Variants in CACNA1D observed in about 807,000 individuals in gnomAD.
The protein encoded by CACNA1D is calcium voltage-gated channel subunit alpha1 D.
A neutral mutation model predicts 257.1 loss-of-function variants in CACNA1D; 55 were observed. The observed-to-expected ratio is 0.21, with a 90% CI of 0.17 to 0.27. The LOEUF is 0.27. Ranked by LOEUF, CACNA1D falls within the 10% of genes least tolerant of loss-of-function variation. CACNA1D has a pLI of 1.00. For synonymous variants in CACNA1D, 980 were observed against 1,014.9 expected (o/e 0.97, Z 0.65); for missense variants, 1,876 against 2,784.0 (o/e 0.67, Z 7.34).
At chr3:53,550,091 C>A (rs996068600) in intron 3 of CACNA1D, among the ~76,000 whole-genome samples, 1 of 152,028 alleles carries the variant, frequency 6.6e-6, no homozygotes, top group South Asian at 2.1e-4. Context: ...TCATAGAAAG[C>A]GAATTGGCTC....
At chr3:53,757,191 C>T (rs2095270851) in intron 29 of CACNA1D, among the ~76,000 whole-genome samples, 1 of 151,470 alleles carries the variant, frequency 6.6e-6, no homozygotes, top group Non-Finnish European at 1.5e-5. Context: ...GTACCTTTTC[C>T]ACCTGCTGGA....
intron 15 of CACNA1D, among the ~76,000 whole-genome samples, chr3:53,727,243 C>T (rs1160475449): frequency 1.3e-5 from 2 of 152,170 alleles, no homozygotes; most frequent in Non-Finnish European, 2.9e-5. Context: ...AGGGAAGGAG[C>T]GTGAGACAGC....
chr3:53,585,116 G>GC (rs143619699), intron 3 of CACNA1D, among the ~76,000 whole-genome samples: 35,713 of 150,606 alleles, frequency 0.24, 4,278 homozygotes, highest in Middle Eastern at 0.3. Flanking sequence ...ATATTCACAC[G>GC]CTTTGTCTCA....
intron 30 of CACNA1D, among the ~76,000 whole-genome samples, chr3:53,762,400 G>A (rs1311236710): frequency 3.0e-4 from 45 of 152,236 alleles, no homozygotes; most frequent in Non-Finnish European, 1.5e-5. Context: ...ACCCACAGTG[G>A]CGTATCTATA....
intron 44 of CACNA1D, among the ~76,000 whole-genome samples, 180 bp from the exon 45 acceptor site, chr3:53,804,803 C>T (rs1211604521): frequency 4.6e-5 from 7 of 152,196 alleles, no homozygotes; most frequent in Non-Finnish European, 1.0e-4. Context: ...GCCTCCAGTC[C>T]TGTAATGGCC....
intron 3 of CACNA1D, among the ~76,000 whole-genome samples, chr3:53,635,613 T>C (rs1183976077): frequency 6.6e-6 from 1 of 152,168 alleles, no homozygotes; most frequent in Non-Finnish European, 1.5e-5. Context: ...GGTTTCAGCC[T>C]CTCCAGCTCC....
intron 17 of CACNA1D, among the ~76,000 whole-genome samples, chr3:53,731,601 C>T (rs1021420609): frequency 2.0e-5 from 3 of 152,152 alleles, no homozygotes; most frequent in African/African-American, 7.2e-5. Context: ...CTCTGTTCAT[C>T]GAGTTGATAA....
chr3:53,500,717 T>C (rs2090564739), intron 2 of CACNA1D, among the ~76,000 whole-genome samples: 1 of 152,164 alleles, frequency 6.6e-6, no homozygotes, highest in Non-Finnish European at 1.5e-5. Flanking sequence ...AGAAAAACAA[T>C]CATTTTGGCA....
intron 9 of CACNA1D, among the ~76,000 whole-genome samples, chr3:53,714,343 G>C (rs2094795888): frequency 6.6e-6 from 1 of 152,212 alleles, no homozygotes. Context: ...AAGGGGACAA[G>C]GCCATCACCT....
rs146337129 is a variant in CACNA1D, at chr3:53,622,436, C to T, written c.484-28343C>T. Among the ~76,000 whole-genome samples, 718 of 152,244 alleles carry T rather than the reference C, an allele frequency of 4.7e-3. 2 individuals are homozygous for T. The highest frequency in any genetic ancestry group is 7.0e-3 in the Non-Finnish European group (477 of 68,028). On this transcript the variant is annotated intron_variant, in intron 3 of 47. Coordinates refer to ENST00000350061, the MANE Select transcript of CACNA1D (RefSeq NM_001128840.3). ...TTTATTCATAATAAGAAAAATAATG[C>T]GGCCATTAAAAAGAACAAGATCATG...
intron 3 of CACNA1D, among the ~76,000 whole-genome samples, chr3:53,615,222 C>T (rs945373758): frequency 9.8e-5 from 15 of 152,332 alleles, no homozygotes; most frequent in African/African-American, 3.6e-4. Flanking sequence ...CCCAAACCTT[C>T]CTTCCTCAGG....
chr3:53,766,464 G>T (rs2095332892), intron 30 of CACNA1D, among the ~76,000 whole-genome samples: 2 of 152,246 alleles, frequency 1.3e-5, no homozygotes, highest in South Asian at 4.1e-4. Flanking sequence ...ATGCTGGTTT[G>T]CTTCCTATCT....
chr3:53,583,548 AG>A (rs145929974), intron 3 of CACNA1D, among the ~76,000 whole-genome samples: 559 of 152,290 alleles, frequency 3.7e-3, no homozygotes, highest in African/African-American at 0.013. Flanking sequence ...CCTTGACCTG[AG>A]GGGTCTGCAG....
At chr3:53,648,829 A>AACACACACAC (rs148968944) in intron 3 of CACNA1D, among the ~76,000 whole-genome samples, 277 of 146,850 alleles carry the variant, frequency 1.9e-3, no homozygotes, top group African/African-American at 6.4e-3. Flanking sequence ...TAACTCTCAA[A>AACACACACAC]ACACACACAC....
intron 3 of CACNA1D, among the ~76,000 whole-genome samples, chr3:53,530,167 G>A (rs1368897649): frequency 6.6e-6 from 1 of 152,188 alleles, no homozygotes; most frequent in East Asian, 1.9e-4. Flanking sequence ...GGAATTAGAA[G>A]AAAACGAAGC....
intron 3 of CACNA1D, among the ~76,000 whole-genome samples, chr3:53,527,233 G>A (rs1240435105): frequency 6.6e-6 from 1 of 151,824 alleles, no homozygotes; most frequent in Non-Finnish European, 1.5e-5. Flanking sequence ...GCAGGGCAAG[G>A]CCTATTGCCA....
At chr3:53,603,409 A>G (rs545661631) in intron 3 of CACNA1D, among the ~76,000 whole-genome samples, 29 of 152,182 alleles carry the variant, frequency 1.9e-4, no homozygotes, top group Non-Finnish European at 3.4e-4. Flanking sequence ...CGGATTTCTC[A>G]TCTGTAAAAT....
Position 53,543,469 on chromosome 3 carries a change from A to G in CACNA1D, c.483+41749A>G, listed in dbSNP as rs186454258. Among the ~76,000 whole-genome samples the G allele has an allele frequency of 4.6e-5, 7 of 152,278 alleles. No individual in the cohort carries two copies. In the South Asian group the frequency reaches 6.2e-4, roughly 14 times the overall value. On this transcript the variant is annotated intron_variant, in intron 3 of 47. Transcript: ENST00000350061. Reference sequence around the variant, plus strand: ...CTCTTTGGTAGGTGTGTGGGAATCTATTGGTATTTATTGGGTTCTTAATGC... The same window carrying G: ...CTCTTTGGTAGGTGTGTGGGAATCTGTTGGTATTTATTGGGTTCTTAATGC...
chr3:53,530,474 TA>T (rs1186492515), intron 3 of CACNA1D: 3 of 152,198 alleles, frequency 2.0e-5, no homozygotes, highest in Non-Finnish European at 4.4e-5. Context: ...CTGGGGGAGT[TA>T]TTGTCTCACA....
Sources: gnomAD v4.1 joint callset for allele counts (sites outside exome capture counted in the v4.1 genomes callset) on GRCh38, gnomAD v4.1.1 for gene constraint, MANE v1.5 for transcripts, NCBI Gene and HGNC (gene_info 2026-07-23, HGNC 2026-07-21) for gene names.